ACYP2: variants seen among roughly 807,000 people sequenced by gnomAD.
The protein encoded by ACYP2 is acylphosphatase-2.
Under a neutral mutation model 11.2 loss-of-function variants are expected in ACYP2, and 12 were observed. The ratio of observed to expected loss-of-function variants is 1.08; its 90% confidence interval spans 0.69 to 1.74. ACYP2 has a LOEUF of 1.74. Among genes scored for constraint, ACYP2 ranks in the 40% most tolerant of loss-of-function variants. The pLI is 0.00. For synonymous variants in ACYP2, 43 were observed against 32.2 expected (o/e 1.33, Z -1.13); for missense variants, 134 against 101.9 (o/e 1.31, Z -1.35).
At chr2:54,118,334 A>C (rs1219132736) in intron 4 of ACYP2, among the ~76,000 whole-genome samples, 1 of 152,216 alleles carries the variant, frequency 6.6e-6, no homozygotes, top group Non-Finnish European at 1.5e-5. Flanking sequence ...ACTAGAGACA[A>C]ATGGCAGTAG....
intron 2 of ACYP2, among the ~76,000 whole-genome samples, chr2:54,004,038 C>T (rs1672932590): frequency 6.6e-6 from 1 of 152,010 alleles, no homozygotes; most frequent in Non-Finnish European, 1.5e-5. Flanking sequence ...GGCTGGAATG[C>T]AATGGCGCGA....
At chr2:53,981,717 G>C (rs1307224769) in intron 2 of ACYP2, among the ~76,000 whole-genome samples, 1 of 151,982 alleles carries the variant, frequency 6.6e-6, no homozygotes, top group Non-Finnish European at 1.5e-5. Flanking sequence ...TCAGCCTTAG[G>C]TTACCTGCCA....
Position 54,071,582 on chromosome 2 carries a change from C to T in ACYP2, c.277+14222C>T, listed in dbSNP as rs185872789. ...CCAGGCTTAGGTAATTCTGCCACCT[C>T]GGCCTTCTGAGTAGCTGAGACTACA... On this transcript the variant is annotated intron_variant, in intron 4 of 6. Coordinates refer to ENST00000607452, the MANE Select transcript of ACYP2 (RefSeq NM_001320586.2). Among the ~76,000 whole-genome samples, 208 of 152,174 alleles carry T rather than the reference C, an allele frequency of 1.4e-3. 1 individual carries two copies. The highest frequency in any genetic ancestry group is 4.8e-3 in the African/African-American group (200 of 41,530).
At chr2:54,200,500 A>C (rs1292621340) in intron 6 of ACYP2, among the ~76,000 whole-genome samples, 1 of 152,168 alleles carries the variant, frequency 6.6e-6, no homozygotes, top group Non-Finnish European at 1.5e-5. Context: ...ATTTCATATA[A>C]ATGGTATCAT....
intron 4 of ACYP2, among the ~76,000 whole-genome samples, chr2:54,110,914 C>T (rs1326129367): frequency 1.3e-5 from 2 of 151,926 alleles, no homozygotes; most frequent in African/African-American, 4.8e-5. Context: ...GACTGCCAAG[C>T]AGAGCAAAGA....
chr2:54,283,886 G>T (rs1017436061), intron 6 of ACYP2, among the ~76,000 whole-genome samples: 1 of 152,190 alleles, frequency 6.6e-6, no homozygotes, highest in Non-Finnish European at 1.5e-5. Context: ...AGGCCAAGGC[G>T]AGTGGATCAC....
chr2:54,046,681 CA>C (rs1558492923), intron 2 of ACYP2, among the ~76,000 whole-genome samples: 1 of 152,144 alleles, frequency 6.6e-6, no homozygotes, highest in Non-Finnish European at 1.5e-5. Context: ...GGGCCAGCTT[CA>C]GGGGTGTATG....
chr2:54,066,581 A>G (rs370057481), intron 4 of ACYP2, among the ~76,000 whole-genome samples: 3 of 152,218 alleles, frequency 2.0e-5, no homozygotes, highest in Non-Finnish European at 2.9e-5. Context: ...CCAATGTGCC[A>G]TAAAATCATC....
intron 4 of ACYP2, among the ~76,000 whole-genome samples, chr2:54,070,270 C>CAAAAAAA (rs200624759): frequency 1.1e-5 from 1 of 89,934 alleles, no homozygotes; most frequent in Non-Finnish European, 2.2e-5. Flanking sequence ...AAGTCCATCT[C>CAAAAAAA]AAAAAAAAAA....
intron 2 of ACYP2, among the ~76,000 whole-genome samples, chr2:54,016,850 C>T (rs375963077): frequency 0.032 from 4,906 of 151,706 alleles, 109 homozygotes; most frequent in Non-Finnish European, 0.052. Flanking sequence ...CTCAGCCTCC[C>T]GAGTAGCTGG....
At chr2:54,095,040 GC>G (rs1678448438) in intron 4 of ACYP2, among the ~76,000 whole-genome samples, 1 of 150,516 alleles carries the variant, frequency 6.6e-6, no homozygotes, top group African/African-American at 2.4e-5. Flanking sequence ...GCGGCCTTCC[GC>G]GGTGTTTGTG....
At chr2:54,055,708 C>T (rs1164245045) in intron 3 of ACYP2, among the ~76,000 whole-genome samples, 2 of 152,172 alleles carry the variant, frequency 1.3e-5, no homozygotes, top group Admixed American at 6.6e-5. Flanking sequence ...TAGCCAAAGA[C>T]ATATTAAGCC....
intron 6 of ACYP2, among the ~76,000 whole-genome samples, chr2:54,240,014 A>G (rs1461023242): frequency 6.6e-6 from 1 of 152,208 alleles, no homozygotes; most frequent in Admixed American, 6.5e-5. Flanking sequence ...CCCAGAAGGA[A>G]TTGTGACTCC....
intron 5 of ACYP2, among the ~76,000 whole-genome samples, chr2:54,136,282 C>T (rs1231141762): frequency 6.6e-6 from 1 of 152,154 alleles, no homozygotes; most frequent in African/African-American, 2.4e-5. Flanking sequence ...CTCAAGTTAT[C>T]CACCTGCCTT....
At chr2:54,134,797 C>T (rs1681125852) in intron 4 of ACYP2, among the ~76,000 whole-genome samples, 1 of 152,208 alleles carries the variant, frequency 6.6e-6, no homozygotes, top group East Asian at 1.9e-4. Flanking sequence ...CCAGTGTATG[C>T]CTGAAACTGT....
At chr2:54,223,281 C>T (rs1685875029) in intron 6 of ACYP2, among the ~76,000 whole-genome samples, 1 of 152,120 alleles carries the variant, frequency 6.6e-6, no homozygotes, top group African/African-American at 2.4e-5. Flanking sequence ...GAACCGAAAG[C>T]ATCTAATATA....
At chr2:54,234,226 C>T (rs1054537102) in intron 6 of ACYP2, among the ~76,000 whole-genome samples, 2 of 152,214 alleles carry the variant, frequency 1.3e-5, no homozygotes, top group African/African-American at 2.4e-5. Context: ...TTTCTCAAAA[C>T]ACTCTCATTG....
intron 2 of ACYP2, among the ~76,000 whole-genome samples, chr2:53,974,742 G>A (rs2104504795): frequency 6.6e-6 from 1 of 152,306 alleles, no homozygotes; most frequent in East Asian, 1.9e-4. Context: ...AGTAGTGATG[G>A]TAGTGTTAGC....
chr2:54,015,131 C>G (rs927546103), intron 2 of ACYP2, among the ~76,000 whole-genome samples: 2 of 152,084 alleles, frequency 1.3e-5, no homozygotes, highest in African/African-American at 2.4e-5. Context: ...CTTTGGGAGG[C>G]TGAGGCGGGC....
Sources: gnomAD v4.1 joint callset for allele counts (sites outside exome capture counted in the v4.1 genomes callset) on GRCh38, gnomAD v4.1.1 for gene constraint, MANE v1.5 for transcripts, NCBI Gene and HGNC (gene_info 2026-07-23, HGNC 2026-07-21) for gene names.